The following RSRC1 variants were observed in gnomAD, a reference collection of about 807,000 sequenced individuals.
The protein encoded by RSRC1 is serine/Arginine-related protein 53.
RSRC1 carries 39 observed loss-of-function variants against 49.1 expected under a neutral mutation model. The observed-to-expected ratio is 0.79, with a 90% CI of 0.61 to 1.04. The LOEUF is 1.04. Ranked by LOEUF, RSRC1 falls within the 50% of genes least tolerant of loss-of-function variation. The pLI is 0.00. For missense variants in RSRC1, 388 were observed against 402.4 expected (o/e 0.96, Z 0.31); for synonymous variants, 143 against 130.8 (o/e 1.09, Z -0.63).
chr3:158,515,559 A>G (rs569130561), intron 7 of RSRC1, among the ~76,000 whole-genome samples: 1 of 134,830 alleles, frequency 7.4e-6, no homozygotes, highest in East Asian at 2.0e-4. Context: ...ACTTTGGTGA[A>G]TCTGACAATT....
intron 3 of RSRC1, among the ~76,000 whole-genome samples, chr3:158,128,247 C>T (rs1715762163): frequency 6.6e-6 from 1 of 152,134 alleles, no homozygotes; most frequent in African/African-American, 2.4e-5. Context: ...AGTCCGTTAC[C>T]CTAAAAGCCA....
chr3:158,299,871 C>A (rs1727440155), intron 5 of RSRC1, among the ~76,000 whole-genome samples: 1 of 152,136 alleles, frequency 6.6e-6, no homozygotes, highest in Non-Finnish European at 1.5e-5. Flanking sequence ...AGAAAGCTCT[C>A]CACAGCAGGT....
chr3:158,318,615 C>T (rs1023756171), intron 5 of RSRC1, among the ~76,000 whole-genome samples: 20 of 152,118 alleles, frequency 1.3e-4, no homozygotes, highest in African/African-American at 4.3e-4. Flanking sequence ...ACCACATCAC[C>T]CCCTCTGCTT....
intron 7 of RSRC1, among the ~76,000 whole-genome samples, chr3:158,518,947 T>C (rs971760489): frequency 3.9e-5 from 6 of 152,160 alleles, no homozygotes; most frequent in South Asian, 2.1e-4. Context: ...TGAATATGTA[T>C]ACTTATTACT....
At position 158,534,722 on chromosome 3, in the gene RSRC1, G is replaced by A. The variant is rs910270095; in HGVS notation, c.653-2370G>A. ...ACAACTAACCATCCATAGGCCATTC[G>A]TGGAAAAACCTATCATCAAACTATA... On this transcript the variant is annotated intron_variant, in intron 7 of 9. Transcript: ENST00000611884. 5.9e-5 allele frequency among the ~76,000 whole-genome samples: 9 copies of A among 151,608 alleles called. No individual in the cohort carries two copies. In the South Asian group the frequency reaches 6.2e-4, roughly 10 times the overall value.
intron 4 of RSRC1, among the ~76,000 whole-genome samples, chr3:158,296,775 G>C (rs1727263405): frequency 6.6e-6 from 1 of 151,944 alleles, no homozygotes; most frequent in Non-Finnish European, 1.5e-5. Context: ...ATATAGTTTT[G>C]CTAAGATTGC....
intron 6 of RSRC1, among the ~76,000 whole-genome samples, chr3:158,377,748 C>T (rs1396007607): frequency 6.6e-6 from 1 of 152,000 alleles, no homozygotes; most frequent in Non-Finnish European, 1.5e-5. Flanking sequence ...CAACCTCCGC[C>T]CCCTGGGTTC....
intron 7 of RSRC1, among the ~76,000 whole-genome samples, chr3:158,510,878 A>G (rs1255099528): frequency 6.6e-6 from 1 of 152,142 alleles, no homozygotes; most frequent in Non-Finnish European, 1.5e-5. Flanking sequence ...TCAGTTTTTC[A>G]GGTTTCATTA....
At chr3:158,302,972 GT>G (rs147831769) in intron 5 of RSRC1, 1 of 152,066 alleles carries the variant, frequency 6.6e-6, no homozygotes, top group Non-Finnish European at 1.5e-5. Flanking sequence ...GTGACTCCAT[GT>G]TTTTTCTTCC....
chr3:158,459,528 C>T (rs1209979419), intron 6 of RSRC1, among the ~76,000 whole-genome samples: 1 of 152,010 alleles, frequency 6.6e-6, no homozygotes, highest in Non-Finnish European at 1.5e-5. Context: ...GAAACATAAG[C>T]TGAGCATTTT....
intron 3 of RSRC1, among the ~76,000 whole-genome samples, chr3:158,129,896 T>G (rs1715899948): frequency 6.6e-6 from 1 of 152,240 alleles, no homozygotes; most frequent in Admixed American, 6.5e-5. Flanking sequence ...ATGTTTTATT[T>G]TATGAACATG....
At chr3:158,393,234 A>C (rs560304676) in intron 6 of RSRC1, among the ~76,000 whole-genome samples, 7 of 152,202 alleles carry the variant, frequency 4.6e-5, no homozygotes, top group African/African-American at 1.7e-4. Context: ...CCAAATTATC[A>C]ACCTAGCATC....
At chr3:158,161,315 CTCAAAACAGG>C (rs1469034403) in intron 3 of RSRC1, among the ~76,000 whole-genome samples, 1 of 152,136 alleles carries the variant, frequency 6.6e-6, no homozygotes, top group Non-Finnish European at 1.5e-5. Context: ...TCAGCCCCTA[CTCAAAACAGG>C]TTTTTCTTAG....
At chr3:158,427,649 A>G (rs1735523467) in intron 6 of RSRC1, among the ~76,000 whole-genome samples, 1 of 151,834 alleles carries the variant, frequency 6.6e-6, no homozygotes, top group South Asian at 2.1e-4. Flanking sequence ...TTTAGTGTAT[A>G]TGAATTTTTT....
chr3:158,345,551 A>G (rs144452390), intron 5 of RSRC1, among the ~76,000 whole-genome samples: 151 of 152,184 alleles, frequency 9.9e-4, no homozygotes, highest in African/African-American at 3.4e-3. Flanking sequence ...TAAACAAAAG[A>G]AGAAAAAAGG....
At chr3:158,230,786 A>G (rs142606048) in intron 4 of RSRC1, among the ~76,000 whole-genome samples, 53 of 152,280 alleles carry the variant, frequency 3.5e-4, no homozygotes, top group African/African-American at 1.2e-3. Context: ...CCGCTCTTCC[A>G]TATCAAATCT....
intron 6 of RSRC1, among the ~76,000 whole-genome samples, chr3:158,398,304 C>G (rs1354793902): frequency 6.6e-6 from 1 of 152,016 alleles, no homozygotes; most frequent in Non-Finnish European, 1.5e-5. Flanking sequence ...GATATAGGCA[C>G]CAGTAGGTTC....
At chr3:158,211,561 A>G (rs1295291091) in intron 4 of RSRC1, among the ~76,000 whole-genome samples, 1 of 152,004 alleles carries the variant, frequency 6.6e-6, no homozygotes, top group Non-Finnish European at 1.5e-5. Flanking sequence ...AATTATTTGC[A>G]TTGCTATCAA....
At chr3:158,232,068 A>G (rs1464349324) in intron 4 of RSRC1, among the ~76,000 whole-genome samples, 2 of 152,082 alleles carry the variant, frequency 1.3e-5, no homozygotes, top group Admixed American at 6.6e-5. Context: ...GAATTTCAGC[A>G]CTGATGATTT....
Sources: gnomAD v4.1 joint callset for allele counts (sites outside exome capture counted in the v4.1 genomes callset) on GRCh38, gnomAD v4.1.1 for gene constraint, MANE v1.5 for transcripts, NCBI Gene and HGNC (gene_info 2026-07-23, HGNC 2026-07-21) for gene names.